The following KCND2 variants were observed in gnomAD, a reference collection of about 807,000 sequenced individuals.
The protein encoded by KCND2 is A-type voltage-gated potassium channel KCND2.
Under a neutral mutation model 54.4 loss-of-function variants are expected in KCND2, and 16 were observed. The observed-to-expected ratio is 0.29, with a 90% CI of 0.20 to 0.45. The LOEUF (loss-of-function observed/expected upper bound fraction) is 0.45. Among genes scored for constraint, KCND2 ranks in the 20% least tolerant of loss-of-function variants. The pLI is 1.00. For missense variants in KCND2, 486 were observed against 824.2 expected (o/e 0.59, Z 5.02); for synonymous variants, 317 against 310.7 (o/e 1.02, Z -0.21).
chr7:120,370,517 G>A (rs1413782353), intron 1 of KCND2, among the ~76,000 whole-genome samples: 3 of 151,906 alleles, frequency 2.0e-5, no homozygotes, highest in Non-Finnish European at 2.9e-5. Context: ...TGGACACCTT[G>A]GCAAATAACA....
intron 1 of KCND2, among the ~76,000 whole-genome samples, chr7:120,570,478 G>A (rs1241486904): frequency 6.7e-6 from 1 of 150,104 alleles, no homozygotes; most frequent in Non-Finnish European, 1.5e-5. Context: ...TGCCTTGATA[G>A]CTGCATATGT....
intron 1 of KCND2, among the ~76,000 whole-genome samples, chr7:120,619,728 G>A (rs1162768927): frequency 9.8e-5 from 15 of 152,302 alleles, no homozygotes; most frequent in East Asian, 9.6e-4. Flanking sequence ...TGTAACAATG[G>A]CAACGGAAAT....
At chr7:120,310,147 G>T (rs1459804380) in intron 1 of KCND2, among the ~76,000 whole-genome samples, 1 of 152,086 alleles carries the variant, frequency 6.6e-6, no homozygotes, top group Non-Finnish European at 1.5e-5. Flanking sequence ...GGGATGGGAC[G>T]GAGGAAAAGA....
chr7:120,698,863 T>C (rs1363556172), intron 1 of KCND2, among the ~76,000 whole-genome samples: 1 of 152,236 alleles, frequency 6.6e-6, no homozygotes, highest in Non-Finnish European at 1.5e-5. Flanking sequence ...CCACTGTGAC[T>C]TTTCAAAAAT....
At chr7:120,301,216 T>C (rs959338424) in intron 1 of KCND2, among the ~76,000 whole-genome samples, 1 of 152,198 alleles carries the variant, frequency 6.6e-6, no homozygotes, top group African/African-American at 2.4e-5. Context: ...AACAAGATTC[T>C]GAGGTAGGTA....
At chr7:120,511,024 T>TCACACACACA (rs10594846) in intron 1 of KCND2, among the ~76,000 whole-genome samples, 2 of 145,082 alleles carry the variant, frequency 1.4e-5, no homozygotes, top group East Asian at 2.0e-4. Context: ...TCTCTCTCTC[T>TCACACACACA]CACACACACA....
intron 1 of KCND2, among the ~76,000 whole-genome samples, chr7:120,394,938 C>T (rs62471553): frequency 0.1 from 15,521 of 151,966 alleles, 832 homozygotes; most frequent in Admixed American, 0.13. Flanking sequence ...ATAAAACATA[C>T]TTCTCTGGCT....
chr7:120,548,952 C>T (rs901536351), intron 1 of KCND2, among the ~76,000 whole-genome samples: 6 of 151,966 alleles, frequency 3.9e-5, no homozygotes, highest in Admixed American at 6.6e-5. Context: ...CTCTGTGGCA[C>T]CATTTTTGTT....
intron 1 of KCND2, among the ~76,000 whole-genome samples, chr7:120,324,377 GCC>G (rs1402981015): frequency 1.4e-5 from 2 of 145,128 alleles, no homozygotes; most frequent in East Asian, 4.1e-4. Context: ...CCTTGCCCAT[GCC>G]TATGTCCTGA....
At chr7:120,278,669 T>C (rs1195764889) in intron 1 of KCND2, among the ~76,000 whole-genome samples, 1 of 151,726 alleles carries the variant, frequency 6.6e-6, no homozygotes, top group African/African-American at 2.4e-5. Flanking sequence ...CAAGGTGTAT[T>C]TGTATCACCA....
At chr7:120,319,432 T>C (rs768093425) in intron 1 of KCND2, among the ~76,000 whole-genome samples, 2 of 152,108 alleles carry the variant, frequency 1.3e-5, no homozygotes, top group African/African-American at 2.4e-5. Flanking sequence ...GACATTCTTA[T>C]TAACATTAGG....
chr7:120,469,191 T>A (rs1802419831), intron 1 of KCND2, among the ~76,000 whole-genome samples: 1 of 152,144 alleles, frequency 6.6e-6, no homozygotes. Flanking sequence ...ACAAAACAGA[T>A]GAATTGGATC....
intron 1 of KCND2, among the ~76,000 whole-genome samples, chr7:120,523,570 C>CA (rs967068263): frequency 1.9e-4 from 27 of 143,340 alleles, no homozygotes; most frequent in Non-Finnish European, 3.2e-4. Context: ...CTCGATAAGC[C>CA]AAAAAAAAAC....
chr7:120,642,577 A>AT (rs1366988606), intron 1 of KCND2, among the ~76,000 whole-genome samples: 5 of 148,462 alleles, frequency 3.4e-5, no homozygotes, highest in African/African-American at 7.4e-5. Flanking sequence ...AATAAAAAAA[A>AT]ATATATATAT....
intron 2 of KCND2, 23 bp downstream of exon 2, chr7:120,733,088 C>T: frequency 1.2e-6 from 2 of 1,612,412 alleles, no homozygotes; most frequent in Non-Finnish European, 1.7e-6. Flanking sequence ...CTCCGTGCAA[C>T]CATGGTTTAG....
intron 1 of KCND2, among the ~76,000 whole-genome samples, chr7:120,718,546 C>A (rs1179760184): frequency 1.3e-5 from 2 of 152,066 alleles, no homozygotes; most frequent in Admixed American, 6.6e-5. Flanking sequence ...TTTTGCATGA[C>A]AAAAGTAAAG....
intron 1 of KCND2, among the ~76,000 whole-genome samples, chr7:120,400,061 T>C (rs913735298): frequency 6.6e-6 from 1 of 152,164 alleles, no homozygotes. Context: ...TTCAGTGACA[T>C]TGTGTCCATG....
rs1329163074 is a variant in KCND2, at chr7:120,379,561, C to T, written c.1115+103814C>T. ...GCCTTTCTTTAAGTCATTCTTAAAA[C>T]GTGTCATCCTCAACTTATTTATGTC... is the stretch of plus-strand genomic sequence containing the variant. On this transcript the variant is annotated intron_variant, in intron 1 of 5. Transcript: ENST00000331113. Among the ~76,000 whole-genome samples, 10 of 152,026 alleles carry T rather than the reference C, an allele frequency of 6.6e-5. No homozygotes were observed. The East Asian group carries it at 7.7e-4, about 12-fold the overall frequency.
chr7:120,741,509 G>A, intron 2 of KCND2, 25 bp from the exon 3 acceptor site: 1 of 1,469,368 alleles, frequency 6.8e-7, no homozygotes, highest in South Asian at 1.1e-5. Context: ...AAATGTTAAT[G>A]GGATGTTTAT....
Sources: gnomAD v4.1 joint callset for allele counts (sites outside exome capture counted in the v4.1 genomes callset) on GRCh38, gnomAD v4.1.1 for gene constraint, MANE v1.5 for transcripts, NCBI Gene and HGNC (gene_info 2026-07-23, HGNC 2026-07-21) for gene names.